RNF111: variants seen among roughly 807,000 people sequenced by gnomAD.
The protein encoded by RNF111 is ring finger protein 111.
In RNF111, 17 loss-of-function variants were observed where a neutral mutation model predicts 95.1. The ratio of observed to expected loss-of-function variants is 0.18; its 90% confidence interval spans 0.12 to 0.27. RNF111 has a LOEUF of 0.27. RNF111 is among the 10% of genes least tolerant of loss of function. The pLI, the probability that RNF111 is intolerant of heterozygous loss-of-function variation, is 1.00. For synonymous variants in RNF111, 440 were observed against 414.8 expected, an observed-to-expected ratio of 1.06 and a Z score of -0.74; for missense variants, 1,189 against 1,210.4, an observed-to-expected ratio of 0.98 and a Z score of 0.26.
chr15:58,991,534 C>T (rs1435707059), intron 1 of RNF111, among the ~76,000 whole-genome samples: 3 of 152,068 alleles, frequency 2.0e-5, no homozygotes, highest in South Asian at 2.1e-4. Flanking sequence ...CCATGTGATA[C>T]GGCATGGATG....
In RNF111 at chr15:59,095,838, G is replaced by A. The variant is rs1453534463; in HGVS notation, c.*938G>A. ...TACATTGATTTTGTAGACACATTAA[G>A]TCAAGATTTGGAATTTAAGTCACTG... On this transcript the variant is annotated 3_prime_UTR_variant, in exon 14 of 14. Transcript: ENST00000348370. 3 of 395,136 alleles carry A rather than the reference G, an allele frequency of 7.6e-6. No homozygotes were observed. Among genetic ancestry groups the A allele is most frequent in the Non-Finnish European group, 8.9e-6 (2 of 224,040 alleles). 24.5% of individuals were successfully genotyped at this position (395,136 alleles called of 1,614,324 possible).
intron 1 of RNF111, among the ~76,000 whole-genome samples, chr15:59,015,000 TG>T (rs1421337046): frequency 6.6e-6 from 1 of 152,218 alleles, no homozygotes; most frequent in Non-Finnish European, 1.5e-5. Context: ...CTGCCTGCCT[TG>T]GCCTCCGTAA....
intron 12 of RNF111, 70 bp from the exon 13 acceptor site, chr15:59,092,463 TAAAC>T: frequency 6.8e-7 from 1 of 1,463,818 alleles, no homozygotes; most frequent in South Asian, 1.5e-5. Flanking sequence ...GTTTTTCAAA[TAAAC>T]ACAGACTTTA....
At chr15:59,073,581 G>A (rs77397955) in intron 6 of RNF111, among the ~76,000 whole-genome samples, 1 of 152,082 alleles carries the variant, frequency 6.6e-6, no homozygotes, top group Non-Finnish European at 1.5e-5. Flanking sequence ...CACATCTTCA[G>A]GTTCCAACTT....
chr15:59,075,645 G>C (rs1352358967), intron 6 of RNF111, among the ~76,000 whole-genome samples: 2 of 152,110 alleles, frequency 1.3e-5, no homozygotes, highest in African/African-American at 4.8e-5. Context: ...AGATGTATTT[G>C]TTATAAGACA....
In RNF111 at chr15:59,031,475, A is replaced by G; in HGVS notation, c.653A>G (p.Lys218Arg). ...RRLPCRKRFVKNNSSQRTQKQ... is the reference protein window; with the variant it reads ...RRLPCRKRFVRNNSSQRTQKQ... ...CTTCCATGCAGAAAGAGATTTGTAA[A>G]AAATAATTCCTCACAGAGGACACAG... Residue 218 changes from lysine to arginine, a missense_variant, in exon 2 of 14, where the codon AAA becomes AGA. Lys to Arg is a conservative substitution (Grantham distance 26, BLOSUM62 2). Transcript: ENST00000348370. 1 of 1,614,222 alleles carries G rather than the reference A, an allele frequency of 6.2e-7. No homozygotes were observed. Among genetic ancestry groups the G allele is most frequent in the Non-Finnish European group, 8.5e-7 (1 of 1,180,038 alleles).
chr15:59,001,747 T>A lies in RNF111; in HGVS notation c.-20+13679T>A, dbSNP rs184775680. On this transcript the variant is annotated intron_variant, in intron 1 of 13. Transcript: ENST00000348370. ...AACACCTACAAAACATACATTATCA[T>A]GGGATTTTATTTTATTTTTTATGAA... 6.8e-4 allele frequency among the ~76,000 whole-genome samples: 104 copies of A among 152,322 alleles called. 2 individuals carry two copies. Among genetic ancestry groups the A allele is most frequent in the Non-Finnish European group, 3.1e-4 (21 of 68,030 alleles).
chr15:59,043,182 T>C (rs1483749341), intron 2 of RNF111, among the ~76,000 whole-genome samples: 2 of 150,280 alleles, frequency 1.3e-5, no homozygotes, highest in Non-Finnish European at 3.0e-5. Context: ...TGAGACAGGG[T>C]CTCATTTTGT....
chr15:59,021,132 A>T (rs1204210667), intron 1 of RNF111, among the ~76,000 whole-genome samples: 2 of 151,872 alleles, frequency 1.3e-5, no homozygotes, highest in South Asian at 4.1e-4. Context: ...CATAGGTTAG[A>T]TCCCAGATTT....
chr15:59,068,172 A>G (rs1287573435), intron 6 of RNF111, among the ~76,000 whole-genome samples: 3 of 152,132 alleles, frequency 2.0e-5, no homozygotes, highest in African/African-American at 4.8e-5. Context: ...GTGAGCTGAG[A>G]TCACGCCATT....
chr15:58,992,239 T>G (rs2038850679), intron 1 of RNF111, among the ~76,000 whole-genome samples: 1 of 152,114 alleles, frequency 6.6e-6, no homozygotes, highest in Non-Finnish European at 1.5e-5. Flanking sequence ...GAAACGGTTT[T>G]TCACCATGTT....
intron 13 of RNF111, among the ~76,000 whole-genome samples, chr15:59,093,800 G>GA (rs1415606301): frequency 2.6e-5 from 4 of 151,784 alleles, no homozygotes; most frequent in Non-Finnish European, 5.9e-5. Flanking sequence ...AGTTGGCTGA[G>GA]AAAAAAATTG....
At chr15:59,032,412 T>G (rs2040956171) in intron 2 of RNF111, among the ~76,000 whole-genome samples, 1 of 152,150 alleles carries the variant, frequency 6.6e-6, no homozygotes, top group South Asian at 2.1e-4. Flanking sequence ...TAAAAAAGAC[T>G]GGTTAATTTT....
At position 59,066,807 on chromosome 15, in the gene RNF111, C is replaced by G; in HGVS notation, c.1410C>G (p.Gly470=). The change falls in exon 6 of 14, where the codon GGC becomes GGG. Residue 470 remains glycine (G), a synonymous_variant. Coordinates refer to ENST00000348370, the MANE Select transcript of RNF111 (RefSeq NM_017610.8). The part of the protein sequence containing the change: ...RTTSSAVTET[G]PPAMPRLPSC... ...CATCTAGTGCTGTAACGGAAACTGG[C>G]CCTCCTGCAATGCCAAGGTTACCTT... 2 of 1,613,920 alleles carry G rather than the reference C, an allele frequency of 1.2e-6. No individual in the cohort carries two copies. The highest frequency in any genetic ancestry group is 1.6e-4 in the Middle Eastern group (1 of 6,062).
At chr15:58,993,221 A>G (rs1479890782) in intron 1 of RNF111, among the ~76,000 whole-genome samples, 2 of 151,760 alleles carry the variant, frequency 1.3e-5, no homozygotes, top group South Asian at 2.1e-4. Context: ...AATAATTAGT[A>G]AAAGTGGCCA....
At chr15:59,021,176 A>T (rs1334232858) in intron 1 of RNF111, among the ~76,000 whole-genome samples, 1 of 152,014 alleles carries the variant, frequency 6.6e-6, no homozygotes, top group African/African-American at 2.4e-5. Flanking sequence ...TTTGAGATGA[A>T]GTCTTGCTCT....
chr15:59,084,509 A>G (rs74017351), intron 9 of RNF111: 1 of 315,648 alleles, frequency 3.2e-6, no homozygotes, highest in African/African-American at 2.1e-5. Context: ...TAATAATTGT[A>G]TATATTTGGA....
At chr15:59,086,458 C>T (rs1403518910) in intron 10 of RNF111, among the ~76,000 whole-genome samples, 1 of 152,218 alleles carries the variant, frequency 6.6e-6, no homozygotes, top group Non-Finnish European at 1.5e-5. Flanking sequence ...TAATTCTCTA[C>T]ATCTGATTTA....
intron 9 of RNF111, among the ~76,000 whole-genome samples, chr15:59,085,269 G>A (rs1339320072): frequency 6.6e-6 from 1 of 152,158 alleles, no homozygotes; most frequent in Non-Finnish European, 1.5e-5. Context: ...CAACAACCAA[G>A]AGATGATATC....
Sources: allele counts gnomAD v4.1 joint callset (sites outside exome capture counted in the v4.1 genomes callset), GRCh38; gene constraint gnomAD v4.1.1; transcripts MANE v1.5; gene names NCBI Gene and HGNC (gene_info 2026-07-23, HGNC 2026-07-21).